PLXDC2: variants seen among roughly 807,000 people sequenced by gnomAD.
PLXDC2 encodes the protein plexin domain containing 2.
PLXDC2 carries 40 observed loss-of-function variants against 68.9 expected under a neutral mutation model. The ratio of observed to expected loss-of-function variants is 0.58; its 90% CI spans 0.45 to 0.76. The LOEUF is 0.76. PLXDC2 is among the 30% of genes least tolerant of loss of function. The pLI, the probability that PLXDC2 is intolerant of heterozygous loss-of-function variation, is 0.00. For synonymous variants in PLXDC2, 243 were observed against 234.2 expected, an observed-to-expected ratio of 1.04 and a Z score of -0.34; for missense variants, 644 against 661.9, an observed-to-expected ratio of 0.97 and a Z score of 0.30.
chr10:20,225,374 A>T (rs543588316), intron 12 of PLXDC2, among the ~76,000 whole-genome samples: 68 of 151,718 alleles, frequency 4.5e-4, no homozygotes, highest in South Asian at 2.5e-3. Context: ...CTTTTTGTTG[A>T]TTTTTTTTGT....
At chr10:20,201,458 G>A (rs1834916405) in intron 9 of PLXDC2, among the ~76,000 whole-genome samples, 1 of 151,904 alleles carries the variant, frequency 6.6e-6, no homozygotes, top group African/African-American at 2.4e-5. Flanking sequence ...AGCTAGATAG[G>A]AGTAAGTTCT....
intron 1 of PLXDC2, among the ~76,000 whole-genome samples, chr10:19,896,222 C>G (rs1838056017): frequency 6.6e-6 from 1 of 152,208 alleles, no homozygotes; most frequent in South Asian, 2.1e-4. Flanking sequence ...CAAACACAGC[C>G]TTGGCTTTGT....
chr10:19,824,541 T>A (rs1836537253), intron 1 of PLXDC2, among the ~76,000 whole-genome samples: 1 of 152,082 alleles, frequency 6.6e-6, no homozygotes, highest in African/African-American at 2.4e-5. Flanking sequence ...AAGCTGTAAT[T>A]ATCTCTGTAG....
intron 1 of PLXDC2, among the ~76,000 whole-genome samples, chr10:19,925,547 C>G (rs1229306471): frequency 6.6e-6 from 1 of 152,206 alleles, no homozygotes; most frequent in African/African-American, 2.4e-5. Flanking sequence ...GATTGAATCA[C>G]TTTCTCAAGA....
chr10:19,877,712 C>T (rs549869433), intron 1 of PLXDC2, among the ~76,000 whole-genome samples: 97 of 152,362 alleles, frequency 6.4e-4, no homozygotes, highest in African/African-American at 2.1e-3. Flanking sequence ...TCGGCCTGGC[C>T]GCCTGCCTGC....
chr10:20,059,673 C>T (rs968679452), intron 3 of PLXDC2, among the ~76,000 whole-genome samples: 6 of 152,130 alleles, frequency 3.9e-5, no homozygotes, highest in African/African-American at 1.4e-4. Flanking sequence ...AGCCCCTTTC[C>T]ATGGACATTT....
At chr10:20,209,893 C>T (rs1169284959) in intron 9 of PLXDC2, among the ~76,000 whole-genome samples, 1 of 152,078 alleles carries the variant, frequency 6.6e-6, no homozygotes. Flanking sequence ...AATTTATGTT[C>T]AGAGATGGCA....
chr10:20,091,831 C>T (rs1279291086), intron 4 of PLXDC2: 1 of 152,402 alleles, frequency 6.6e-6, no homozygotes, highest in Non-Finnish European at 1.5e-5. Context: ...TACCGGACTA[C>T]TCTCTCTAGT....
intron 13 of PLXDC2, among the ~76,000 whole-genome samples, chr10:20,269,412 TAG>T (rs201221239): frequency 1.3e-5 from 2 of 152,002 alleles, no homozygotes; most frequent in Admixed American, 1.3e-4. Flanking sequence ...ATAAAATACT[TAG>T]AGAGAGAGAA....
Position 20,287,553 on chromosome 10 carries a change from C to T in PLXDC2, c.*7734C>T, listed in dbSNP as rs1836172639. The T allele has an allele frequency of 6.6e-6, 1 of 152,060 alleles. No individual in the cohort carries two copies. Among genetic ancestry groups the T allele is most frequent in the Non-Finnish European group, 1.5e-5 (1 of 68,014 alleles). The allele number at this position is 152,060 out of a possible 1,614,324, so 9.4% of individuals were successfully genotyped here. Reference sequence around the variant, plus strand: ...CATACTCAGATTGTCACATTTATAGCAGGGAAATAAAAACTCAAATTAGGC... The same window carrying T: ...CATACTCAGATTGTCACATTTATAGTAGGGAAATAAAAACTCAAATTAGGC... On this transcript the variant is annotated 3_prime_UTR_variant, in exon 14 of 14. Transcript: ENST00000377252.
intron 13 of PLXDC2, among the ~76,000 whole-genome samples, chr10:20,267,372 C>CA (rs1450824427): frequency 6.6e-6 from 1 of 152,020 alleles, no homozygotes; most frequent in African/African-American, 2.4e-5. Flanking sequence ...TGCCATAGGC[C>CA]TTAGTGCTTA....
chr10:19,829,933 A>G (rs192436677), intron 1 of PLXDC2, among the ~76,000 whole-genome samples: 67 of 152,340 alleles, frequency 4.4e-4, no homozygotes, highest in African/African-American at 1.5e-3. Context: ...GTAGTTTTAA[A>G]TTTCTGAGCT....
At chr10:20,073,039 C>T (rs915096043) in intron 4 of PLXDC2, among the ~76,000 whole-genome samples, 1 of 152,184 alleles carries the variant, frequency 6.6e-6, no homozygotes, top group African/African-American at 2.4e-5. Context: ...ATAAAGTTGA[C>T]TACAGGCCAT....
At chr10:19,978,044 C>G (rs576144865) in intron 1 of PLXDC2, among the ~76,000 whole-genome samples, 2 of 152,288 alleles carry the variant, frequency 1.3e-5, no homozygotes, top group East Asian at 3.9e-4. Context: ...ATTTCCTACC[C>G]TACCTTCCCT....
At chr10:20,225,602 T>A (rs1229813150) in intron 12 of PLXDC2, among the ~76,000 whole-genome samples, 1 of 152,226 alleles carries the variant, frequency 6.6e-6, no homozygotes, top group Admixed American at 6.5e-5. Flanking sequence ...TACTTTACAA[T>A]GTTAATTTGA....
At chr10:20,253,876 G>C (rs1564368281) in intron 13 of PLXDC2, among the ~76,000 whole-genome samples, 1 of 152,126 alleles carries the variant, frequency 6.6e-6, no homozygotes, top group African/African-American at 2.4e-5. Flanking sequence ...TACAACCCCA[G>C]CTGTATGGTT....
chr10:20,269,052 A>T (rs1296936386), intron 13 of PLXDC2, among the ~76,000 whole-genome samples: 1 of 152,236 alleles, frequency 6.6e-6, no homozygotes, highest in Non-Finnish European at 1.5e-5. Flanking sequence ...TATCACAGAA[A>T]ATTAGTCAAA....
intron 7 of PLXDC2, among the ~76,000 whole-genome samples, chr10:20,165,977 C>T (rs1004350043): frequency 6.6e-6 from 1 of 151,944 alleles, no homozygotes; most frequent in African/African-American, 2.4e-5. Context: ...CCTATGTGTT[C>T]TTATTTAAAG....
intron 1 of PLXDC2, among the ~76,000 whole-genome samples, chr10:19,882,574 A>G (rs1387346587): frequency 2.0e-5 from 3 of 152,142 alleles, no homozygotes; most frequent in African/African-American, 2.4e-5. Context: ...GCTTCCATAA[A>G]TGGATGTCAC....
Sources: allele counts gnomAD v4.1 joint callset (sites outside exome capture counted in the v4.1 genomes callset), GRCh38; gene constraint gnomAD v4.1.1; transcripts MANE v1.5; gene names NCBI Gene and HGNC (gene_info 2026-07-23, HGNC 2026-07-21).